The following CYGB variants were observed in gnomAD, a reference collection of about 807,000 sequenced individuals.
CYGB encodes histoglobin.
CYGB carries 13 observed loss-of-function variants against 20.7 expected under a neutral mutation model. The ratio of observed to expected loss-of-function variants is 0.63; its 90% CI spans 0.41 to 1.00. CYGB has a LOEUF of 1.00. CYGB is among the 50% of genes least tolerant of loss of function. The pLI, the probability that CYGB is intolerant of heterozygous loss-of-function variation, is 0.00. For missense variants in CYGB, 218 were observed against 257.2 expected, an observed-to-expected ratio of 0.85 and a Z score of 1.04; for synonymous variants, 93 against 107.4, an observed-to-expected ratio of 0.87 and a Z score of 0.83.
chr17:76,540,227 A>C, upstream of CYGB: 1 of 850,750 alleles, frequency 1.2e-6, no homozygotes, highest in East Asian at 5.4e-5. This position sits in a 1 kb window ranked among gnomAD's most constrained non-coding sequence, Gnocchi z 5.0. Context: ...TGAGAAACTG[A>C]CCGGGCTATG....
At chr17:76,543,080 C>T in intron 1 of CYGB, 1 of 471,624 alleles carries the variant, frequency 2.1e-6, no homozygotes. Flanking sequence ...GGAGCTGCAG[C>T]AGCGGCAAGA....
intron 1 of CYGB, among the ~76,000 whole-genome samples, chr17:76,535,695 A>G (rs2074906420): frequency 6.6e-6 from 1 of 152,110 alleles, no homozygotes; most frequent in African/African-American, 2.4e-5. Flanking sequence ...TAGAGAGAGA[A>G]AGAAATCCTT....
In CYGB at chr17:76,546,765, T is replaced by C. The variant is rs1442649474; in HGVS notation, c.-53+4097A>G. 3.3e-5 allele frequency: 5 copies of C among 152,222 alleles called. No individual in the cohort carries two copies. Among genetic ancestry groups the C allele is most frequent in the African/African-American group, 9.7e-5 (4 of 41,446 alleles). The allele number at this position is 152,222 out of a possible 1,614,324, so 9.4% of individuals were successfully genotyped here. ...TATGATTAATAACCACTAACATGCA[T>C]TGGGCGCTTACTATGTGCTAGGCAC... On this transcript the variant is annotated intron_variant, in intron 1 of 3. Transcript: ENST00000589145. The surrounding 1 kb of genome is among the most constrained non-coding windows in gnomAD (Gnocchi z 4.5).
Position 76,531,265 on chromosome 17 carries a change from G to A in CYGB, c.376-123C>T. On this transcript the variant is annotated intron_variant, in intron 2 of 3. Coordinates refer to ENST00000293230, the MANE Select transcript of CYGB (RefSeq NM_134268.5). This position sits in a 1 kb window ranked among gnomAD's most constrained non-coding sequence, Gnocchi z 7.4. ...CCTAACGCAACAGTCTGGCAGCTTT[G>A]GGAACCCCGTGCTCTCAGGACAAGG... 1 of 1,257,924 alleles carries A rather than the reference G, an allele frequency of 7.9e-7. No homozygotes were observed. The highest frequency in any genetic ancestry group is 1.1e-6 in the Non-Finnish European group (1 of 908,470). The allele number at this position is 1,257,924 out of a possible 1,614,324, so 77.9% of individuals were successfully genotyped here. A position where few individuals can be genotyped will look rare whatever the true frequency, so the allele number is the denominator to read the frequency against.
intron 1 of CYGB, chr17:76,543,891 G>T (rs1361539486): frequency 4.2e-6 from 2 of 471,092 alleles, no homozygotes; most frequent in Non-Finnish European, 8.8e-6. Flanking sequence ...GCCTGCAGCT[G>T]GATGGGAGCA....
chr17:76,529,056 C>T (rs1172527475), intron 3 of CYGB: 8 of 373,570 alleles, frequency 2.1e-5, no homozygotes, highest in African/African-American at 4.0e-5. Flanking sequence ...CCCCCCCCCA[C>T]CCCCCACCCA....
At chr17:76,548,027 G>A (rs2075071971) in intron 1 of CYGB, among the ~76,000 whole-genome samples, 1 of 150,110 alleles carries the variant, frequency 6.7e-6, no homozygotes, top group African/African-American at 2.5e-5. Flanking sequence ...TGCATACACA[G>A]ACATACACAT....
chr17:76,533,550 C>G lies in CYGB; in HGVS notation c.144-1859G>C, dbSNP rs1380517699. On this transcript the variant is annotated intron_variant, in intron 1 of 3. Coordinates refer to ENST00000293230, the MANE Select transcript of CYGB (RefSeq NM_134268.5). The surrounding 1 kb of genome is among the most constrained non-coding windows in gnomAD (Gnocchi z 4.5). ...GACCAGCCTGGGCAATGTGGCAAACCCTGTCTCTACAAAATACAAAAAATT... is the reference window on the plus strand; with the variant it reads ...GACCAGCCTGGGCAATGTGGCAAACGCTGTCTCTACAAAATACAAAAAATT... 1.3e-5 allele frequency among the ~76,000 whole-genome samples: 2 copies of G among 149,394 alleles called. No individual in the cohort carries two copies. Among genetic ancestry groups the G allele is most frequent in the African/African-American group, 2.5e-5 (1 of 40,310 alleles).
chr17:76,550,842 C>T (rs1187800730), intron 1 of CYGB: 1 of 152,202 alleles, frequency 6.6e-6, no homozygotes, highest in East Asian at 1.9e-4. Flanking sequence ...AACACGAACT[C>T]CCATTTATCA....
At chr17:76,547,959 CACATACACATAA>C (rs937651791) in intron 1 of CYGB, among the ~76,000 whole-genome samples, 17 of 151,682 alleles carry the variant, frequency 1.1e-4, no homozygotes, top group Non-Finnish European at 1.6e-4. Flanking sequence ...CATATACACA[CACATACACATAA>C]ACATACACAT....
rs78399195 is a variant in CYGB at position 76,549,670 on chromosome 17, C to T, written c.-53+1192G>A. 1.5e-4 allele frequency among the ~76,000 whole-genome samples: 23 copies of T among 152,298 alleles called. No individual in the cohort carries two copies. In the East Asian group the frequency reaches 4.2e-3, roughly 28 times the overall value. ...CTAACAGCTCCAAACTGGAAACAAC[C>T]CAAATATTCCTCGACGTGGGAACAG... On this transcript the variant is annotated intron_variant, in intron 1 of 3. Coordinates refer to the CYGB transcript ENST00000589145.
rs2074792629 is a variant in CYGB, at chr17:76,528,485, C to T, written c.*93G>A. 2 of 1,141,328 alleles carry T rather than the reference C, an allele frequency of 1.8e-6. No homozygotes were observed. Among genetic ancestry groups the T allele is most frequent in the Non-Finnish European group, 2.3e-6 (2 of 881,708 alleles). 70.7% of individuals were successfully genotyped at this position (1,141,328 alleles called of 1,614,324 possible). On this transcript the variant is annotated 3_prime_UTR_variant, in exon 4 of 4. Transcript: ENST00000293230. This position sits in a 1 kb window ranked among gnomAD's most constrained non-coding sequence, Gnocchi z 5.8. Reference sequence around the variant, plus strand: ...GTTGAGTCAGGGATTCCTCCAGCTTCCTTGGCACCCAGAAATGGAGCGTCA... The same window carrying T: ...GTTGAGTCAGGGATTCCTCCAGCTTTCTTGGCACCCAGAAATGGAGCGTCA...
chr17:76,545,650 CACCTCTGT>C, intron 1 of CYGB: 1 of 310,030 alleles, frequency 3.2e-6, no homozygotes, highest in African/African-American at 2.2e-5. Flanking sequence ...AGTTTCTGAA[CACCTCTGT>C]GCCTCAGTTT....
rs1206717356 is a variant in CYGB at position 76,547,623 on chromosome 17, C to T, written c.-53+3239G>A. Among the ~76,000 whole-genome samples the T allele has an allele frequency of 2.1e-5, 3 of 144,626 alleles. No homozygotes were observed. In the East Asian group the frequency reaches 6.1e-4, roughly 29 times the overall value. 94.9% of individuals were successfully genotyped at this position (144,626 alleles called of 152,430 possible). A position where few individuals can be genotyped will look rare whatever the true frequency, so the allele number is the denominator to read the frequency against. ...TGGGGAGGAGAGGCCAATCCTGTCC[C>T]TATGTGAACACACACACATTCACAC... On this transcript the variant is annotated intron_variant, in intron 1 of 3. Coordinates refer to the CYGB transcript ENST00000589145.
chr17:76,540,776 C>T (rs1379320950), upstream of CYGB, among the ~76,000 whole-genome samples: 1 of 152,214 alleles, frequency 6.6e-6, no homozygotes, highest in Non-Finnish European at 1.5e-5. This position sits in a 1 kb window ranked among gnomAD's most constrained non-coding sequence, Gnocchi z 5.0. Context: ...ACCCTCAGCT[C>T]GCTCCTCTGG....
chr17:76,530,122 G>A lies in CYGB; in HGVS notation c.539+857C>T, dbSNP rs1004442318. On this transcript the variant is annotated intron_variant, in intron 3 of 3. Transcript: ENST00000293230. This position sits in a 1 kb window ranked among gnomAD's most constrained non-coding sequence, Gnocchi z 6.1. ...CTGCTGGGAATGTTTCTCTACCACG[G>A]GAATGTTTCTCTACCACGCGTGTCC... is the stretch of plus-strand genomic sequence containing the variant. 46 of 981,352 alleles carry A rather than the reference G, an allele frequency of 4.7e-5. No individual in the cohort carries two copies. The South Asian group carries it at 2.0e-3, about 43-fold the overall frequency. The allele number at this position is 981,352 out of a possible 1,614,324, so 60.8% of individuals were successfully genotyped here.
intron 1 of CYGB, chr17:76,542,722 T>G (rs112871496): frequency 1.2e-6 from 1 of 818,044 alleles, no homozygotes. Flanking sequence ...TGTGGGAGGA[T>G]AGCAGGCAGT....
At chr17:76,550,731 A>G (rs1190873006) in intron 1 of CYGB, 1 of 152,262 alleles carries the variant, frequency 6.6e-6, no homozygotes, top group Non-Finnish European at 1.5e-5. Flanking sequence ...AAACAAAACA[A>G]GAATGAAGAA....
chr17:76,528,020 C>G lies in CYGB; in HGVS notation c.*558G>C. ...GGGATTTCCTCTTTGCCAGAACACT[C>G]TGTTCTCTGCACAACCGGAACCCCT... On this transcript the variant is annotated 3_prime_UTR_variant, in exon 4 of 4. Transcript: ENST00000293230. The surrounding 1 kb of genome is among the most constrained non-coding windows in gnomAD (Gnocchi z 5.8). 1 of 365,988 alleles carries G rather than the reference C, an allele frequency of 2.7e-6. No individual in the cohort carries two copies. The highest frequency in any genetic ancestry group is 6.8e-5 in the East Asian group (1 of 14,648). The allele number at this position is 365,988 out of a possible 1,614,324, so 22.7% of individuals were successfully genotyped here.
Sources: allele counts gnomAD v4.1 joint callset (sites outside exome capture counted in the v4.1 genomes callset), GRCh38; gene constraint gnomAD v4.1.1; non-coding constraint Gnocchi (gnomAD v3.1); transcripts MANE v1.5; gene names NCBI Gene and HGNC (gene_info 2026-07-23, HGNC 2026-07-21).